STXBP5: variants seen among roughly 807,000 people sequenced by gnomAD.
STXBP5 encodes the protein syntaxin binding protein 5.
Under a neutral mutation model 152.4 loss-of-function variants are expected in STXBP5, and 50 were observed. The ratio of observed to expected loss-of-function variants is 0.33; its 90% CI spans 0.26 to 0.42. The LOEUF (loss-of-function observed/expected upper bound fraction) is 0.42, where lower values mean the gene tolerates loss of function less well. Among genes scored for constraint, STXBP5 ranks in the 10% least tolerant of loss-of-function variants. The pLI, the probability that STXBP5 is intolerant of heterozygous loss-of-function variation, is 1.00. For missense variants in STXBP5, 1,167 were observed against 1,388.6 expected (o/e 0.84, Z 2.54); for synonymous variants, 492 against 494.7 (o/e 0.99, Z 0.07).
At chr6:147,268,736 A>G (rs1293236920) in intron 7 of STXBP5, among the ~76,000 whole-genome samples, 1 of 152,238 alleles carries the variant, frequency 6.6e-6, no homozygotes, top group African/African-American at 2.4e-5. Flanking sequence ...TTGAGCCATT[A>G]TGGAGTCACA....
intron 10 of STXBP5, 63 bp downstream of exon 10, chr6:147,310,301 ACCT>A: frequency 4.0e-6 from 4 of 993,888 alleles, no homozygotes; most frequent in Non-Finnish European, 5.4e-6. Context: ...AAAAAAAAAG[ACCT>A]AGGTTGTTTA....
chr6:147,261,198 A>T, intron 5 of STXBP5, among the ~76,000 whole-genome samples: 1 of 152,056 alleles, frequency 6.6e-6, no homozygotes, highest in East Asian at 1.9e-4. Flanking sequence ...TAAAGTTAAT[A>T]TATTATCAAA....
intron 18 of STXBP5, among the ~76,000 whole-genome samples, chr6:147,328,011 T>G (rs952624510): frequency 2.0e-5 from 3 of 152,210 alleles, no homozygotes; most frequent in Non-Finnish European, 4.4e-5. Context: ...TATACCATTC[T>G]TAGATAGCTT....
rs140905377 is a variant in STXBP5 at position 147,314,017 on chromosome 6, G to C, written c.1279G>C (p.Gly427Arg). The C allele has an allele frequency of 4.4e-6, 7 of 1,584,598 alleles. No homozygotes were observed. Among genetic ancestry groups the C allele is most frequent in the Non-Finnish European group, 5.2e-6 (6 of 1,162,142 alleles). ...YSVGARQKRQ[G>R]YSKKEWPING... ...TGTTGGAGCTAGACAGAAACGTCAAGGTTACAGCAAAAAGGTATTGAACAT... is the reference window on the plus strand; with the variant it reads ...TGTTGGAGCTAGACAGAAACGTCAACGTTACAGCAAAAAGGTATTGAACAT... The change falls in exon 12 of 28, where the codon GGT becomes CGT. Residue 427 changes from glycine (G) to arginine (R), a missense_variant. By Grantham distance (125) the Gly-to-Arg change is moderately radical. Transcript: ENST00000321680.
At chr6:147,330,661 A>C (rs898085641) in intron 18 of STXBP5, among the ~76,000 whole-genome samples, 1 of 152,320 alleles carries the variant, frequency 6.6e-6, no homozygotes, top group Non-Finnish European at 1.5e-5. Context: ...AATCAATTTT[A>C]CTTTTTTAAT....
chr6:147,308,219 C>A (rs1416191032), intron 9 of STXBP5, among the ~76,000 whole-genome samples: 2 of 152,026 alleles, frequency 1.3e-5, no homozygotes, highest in African/African-American at 4.8e-5. Flanking sequence ...TCTGTTTATT[C>A]GTTATATGTG....
intron 25 of STXBP5, among the ~76,000 whole-genome samples, chr6:147,369,327 G>A (rs988571972): frequency 2.6e-5 from 4 of 151,964 alleles, no homozygotes; most frequent in Admixed American, 6.6e-5. Context: ...TATTCAAAAT[G>A]TATTATGGAC....
At chr6:147,215,082 C>T (rs960273460) in intron 2 of STXBP5, among the ~76,000 whole-genome samples, 14 of 152,320 alleles carry the variant, frequency 9.2e-5, no homozygotes, top group African/African-American at 2.9e-4. Flanking sequence ...GTGACGGCTA[C>T]TCAACTCTGC....
At chr6:147,367,888 T>C (rs1309038572) in intron 25 of STXBP5, among the ~76,000 whole-genome samples, 1 of 152,076 alleles carries the variant, frequency 6.6e-6, no homozygotes, top group Non-Finnish European at 1.5e-5. Flanking sequence ...TATGAACAAG[T>C]TTATGCCAAA....
At chr6:147,260,477 C>A in intron 4 of STXBP5, 138 bp from the exon 5 acceptor site, 2 of 936,134 alleles carry the variant, frequency 2.1e-6, no homozygotes, top group Non-Finnish European at 3.2e-6. Flanking sequence ...AAATATTAGT[C>A]ACAATGAATA....
At chr6:147,251,679 C>T (rs1464559307) in intron 4 of STXBP5, among the ~76,000 whole-genome samples, 2 of 152,248 alleles carry the variant, frequency 1.3e-5, no homozygotes, top group African/African-American at 2.4e-5. Context: ...CAGACTTAAA[C>T]GTTCCTGCCT....
chr6:147,236,901 C>T (rs1386686323), intron 3 of STXBP5, among the ~76,000 whole-genome samples: 1 of 151,774 alleles, frequency 6.6e-6, no homozygotes, highest in Admixed American at 6.6e-5. Context: ...ACTTCAACCT[C>T]CTGAGTAGCT....
rs531106403 is a variant in STXBP5, at chr6:147,228,234, A to G, written c.249-7016A>G. On this transcript the variant is annotated intron_variant, in intron 2 of 27. Coordinates refer to ENST00000321680, the MANE Select transcript of STXBP5 (RefSeq NM_001127715.4). ...TCTTAAATGACTTACAAAAAGAATG[A>G]TAAGATTTTTGAGGCCCATGAATAT... Among the ~76,000 whole-genome samples the G allele has an allele frequency of 1.2e-4, 19 of 152,238 alleles. No individual in the cohort carries two copies. The South Asian group carries it at 2.5e-3, about 20-fold the overall frequency.
chr6:147,382,571 TTG>T (rs900619107), intron 26 of STXBP5, among the ~76,000 whole-genome samples: 1 of 152,160 alleles, frequency 6.6e-6, no homozygotes, highest in Non-Finnish European at 1.5e-5. Context: ...TTAATGTACA[TTG>T]TGTTTTTGCA....
chr6:147,312,853 A>G (rs935947558), intron 11 of STXBP5, among the ~76,000 whole-genome samples: 3 of 152,098 alleles, frequency 2.0e-5, no homozygotes, highest in African/African-American at 7.2e-5. Flanking sequence ...TCCCTTAGGC[A>G]AGTTTTTCAA....
At chr6:147,301,409 A>G (rs1008073987) in intron 9 of STXBP5, among the ~76,000 whole-genome samples, 1 of 152,170 alleles carries the variant, frequency 6.6e-6, no homozygotes, top group African/African-American at 2.4e-5. Context: ...CCACAGGCAT[A>G]TATGTATGTA....
chr6:147,371,027 A>G (rs1785516123), intron 25 of STXBP5, among the ~76,000 whole-genome samples: 1 of 152,026 alleles, frequency 6.6e-6, no homozygotes, highest in African/African-American at 2.4e-5. Flanking sequence ...ATGCAAGACA[A>G]ATGATATGCA....
chr6:147,371,879 G>C (rs1056658102), intron 25 of STXBP5, among the ~76,000 whole-genome samples: 7 of 152,082 alleles, frequency 4.6e-5, no homozygotes, highest in African/African-American at 1.7e-4. Flanking sequence ...CCAAATGATA[G>C]CTGTGTTGCT....
At chr6:147,294,919 A>G (rs1582903121) in intron 9 of STXBP5, among the ~76,000 whole-genome samples, 1 of 152,336 alleles carries the variant, frequency 6.6e-6, no homozygotes, top group East Asian at 1.9e-4. Flanking sequence ...AAAATATTTG[A>G]AAGTCCCTGA....
Sources: allele counts gnomAD v4.1 joint callset (sites outside exome capture counted in the v4.1 genomes callset), GRCh38; gene constraint gnomAD v4.1.1; transcripts MANE v1.5; gene names NCBI Gene and HGNC (gene_info 2026-07-23, HGNC 2026-07-21).